The following SKAP1 variants were observed in gnomAD, a reference collection of about 807,000 sequenced individuals.
SKAP1 encodes the protein src kinase associated phosphoprotein 1.
Under a neutral mutation model 58.5 loss-of-function variants are expected in SKAP1, and 44 were observed. That is an observed-to-expected ratio of 0.75 (90% CI 0.59 to 0.97). The LOEUF (loss-of-function observed/expected upper bound fraction) is 0.97. SKAP1 is among the 50% of genes least tolerant of loss of function. SKAP1 has a pLI of 0.00. For missense variants in SKAP1, 390 were observed against 435.2 expected, an observed-to-expected ratio of 0.90 and a Z score of 0.92; for synonymous variants, 127 against 149.7, an observed-to-expected ratio of 0.85 and a Z score of 1.11.
intron 11 of SKAP1, among the ~76,000 whole-genome samples, chr17:48,139,866 C>G (rs2063747017): frequency 6.6e-6 from 1 of 152,144 alleles, no homozygotes; most frequent in Non-Finnish European, 1.5e-5. Context: ...GTCGGGGAAG[C>G]ACCCCTCCCC....
chr17:48,217,586 C>A (rs2064955350), intron 4 of SKAP1, among the ~76,000 whole-genome samples: 1 of 152,096 alleles, frequency 6.6e-6, no homozygotes, highest in Non-Finnish European at 1.5e-5. Flanking sequence ...GTCGAGACTG[C>A]AGTGGGCTGA....
chr17:48,137,413 G>A (rs1323651532), intron 11 of SKAP1, 76 bp from the exon 12 acceptor site: 4 of 987,014 alleles, frequency 4.1e-6, no homozygotes, highest in Non-Finnish European at 6.5e-6. Context: ...GATTGCATGG[G>A]AGATTCTGTT....
chr17:48,169,756 G>A (rs1414052008), intron 10 of SKAP1, among the ~76,000 whole-genome samples: 1 of 152,198 alleles, frequency 6.6e-6, no homozygotes, highest in African/African-American at 2.4e-5. Flanking sequence ...AAGGAGAGAG[G>A]AGAATAGGAA....
chr17:48,143,057 T>A (rs568096187), intron 11 of SKAP1, among the ~76,000 whole-genome samples: 1 of 148,884 alleles, frequency 6.7e-6, no homozygotes, highest in South Asian at 2.2e-4. Flanking sequence ...GTTCAAGCAA[T>A]CCTCCTGCTT....
chr17:48,246,056 G>C (rs947657338), intron 4 of SKAP1, among the ~76,000 whole-genome samples: 1 of 152,110 alleles, frequency 6.6e-6, no homozygotes, highest in Non-Finnish European at 1.5e-5. Context: ...TCAACGGGTT[G>C]CTATAAATTA....
chr17:48,440,224 T>C, the SKAP1 span, among the ~76,000 whole-genome samples: 1 of 152,046 alleles, frequency 6.6e-6, no homozygotes, highest in African/African-American at 2.4e-5. Context: ...GCAAGACAGG[T>C]TTAATTTCTC....
At chr17:48,164,712 A>G (rs574047725) in intron 10 of SKAP1, among the ~76,000 whole-genome samples, 3 of 152,356 alleles carry the variant, frequency 2.0e-5, no homozygotes, top group African/African-American at 7.2e-5. Context: ...CAGCCCAAGA[A>G]TAGGGAACTT....
intron 4 of SKAP1, among the ~76,000 whole-genome samples, chr17:48,195,929 G>T (rs1411731473): frequency 6.6e-6 from 1 of 151,962 alleles, no homozygotes; most frequent in Admixed American, 6.6e-5. Context: ...TGAGGTTCTA[G>T]GTCAGTAGTA....
At chr17:48,220,610 A>G (rs1420181025) in intron 4 of SKAP1, among the ~76,000 whole-genome samples, 2 of 152,056 alleles carry the variant, frequency 1.3e-5, no homozygotes, top group Non-Finnish European at 2.9e-5. Context: ...TAATCCCAGC[A>G]CTTTGGGAGG....
At chr17:48,403,596 A>T (rs2067530653) in intron 1 of SKAP1, among the ~76,000 whole-genome samples, 1 of 152,102 alleles carries the variant, frequency 6.6e-6, no homozygotes, top group South Asian at 2.1e-4. Flanking sequence ...ACAAAATCAA[A>T]ATGGCCTTGC....
At chr17:48,314,569 T>C (rs1446966235) in intron 4 of SKAP1, among the ~76,000 whole-genome samples, 1 of 152,112 alleles carries the variant, frequency 6.6e-6, no homozygotes, top group Non-Finnish European at 1.5e-5. Context: ...AGTAGGAAAT[T>C]ATCACAGTGT....
At chr17:48,241,741 T>C (rs543793051) in intron 4 of SKAP1, among the ~76,000 whole-genome samples, 1 of 152,340 alleles carries the variant, frequency 6.6e-6, no homozygotes, top group South Asian at 2.1e-4. Context: ...TGATACATGA[T>C]TGATAAAGTG....
In SKAP1 at chr17:48,164,751, AC is replaced by A. The variant is rs1233177251; in HGVS notation, c.878-2183del. ...TCAGAAGTAGAACAGCTCCAAAAAA[AC>A]AGGCAGAATGAAGGGCTAAAAACTG... On this transcript the variant is annotated intron_variant, in intron 10 of 12. Coordinates refer to ENST00000336915, the MANE Select transcript of SKAP1 (RefSeq NM_003726.4). Among the ~76,000 whole-genome samples, 6 of 152,338 alleles carry A rather than the reference AC, an allele frequency of 3.9e-5. No homozygotes were observed. The East Asian group carries it at 1.2e-3, about 29-fold the overall frequency.
At chr17:48,354,748 C>T (rs979536758) in intron 3 of SKAP1, among the ~76,000 whole-genome samples, 3 of 152,110 alleles carry the variant, frequency 2.0e-5, no homozygotes, top group Admixed American at 2.0e-4. Context: ...AAAATAAATG[C>T]TTTCTAATAG....
intron 4 of SKAP1, among the ~76,000 whole-genome samples, chr17:48,213,886 G>A (rs962713480): frequency 2.0e-5 from 3 of 152,244 alleles, no homozygotes; most frequent in Middle Eastern, 3.4e-3. Context: ...GAACAAACAC[G>A]GCTCAGCACC....
At chr17:48,377,976 G>A (rs577053132) in intron 2 of SKAP1, among the ~76,000 whole-genome samples, 1 of 152,230 alleles carries the variant, frequency 6.6e-6, no homozygotes, top group South Asian at 2.1e-4. Flanking sequence ...TATTTCAATG[G>A]ATGATATTAC....
chr17:48,235,039 A>G (rs544317509), intron 4 of SKAP1, among the ~76,000 whole-genome samples: 1 of 152,236 alleles, frequency 6.6e-6, no homozygotes, highest in South Asian at 2.1e-4. Context: ...GAATCCTAAT[A>G]GGAGCTCAAG....
At chr17:48,151,774 G>A (rs1013181989) in intron 11 of SKAP1, among the ~76,000 whole-genome samples, 14 of 152,142 alleles carry the variant, frequency 9.2e-5, no homozygotes, top group South Asian at 2.1e-4. Flanking sequence ...AATATTATCA[G>A]GAACAGAGAA....
chr17:48,359,831 C>G (rs565641979), intron 3 of SKAP1, among the ~76,000 whole-genome samples: 2 of 152,110 alleles, frequency 1.3e-5, no homozygotes, highest in Admixed American at 1.3e-4. Context: ...ATCTCAAACT[C>G]CTGGGCTCAA....
Sources: allele counts gnomAD v4.1 joint callset (sites outside exome capture counted in the v4.1 genomes callset), GRCh38; gene constraint gnomAD v4.1.1; transcripts MANE v1.5; gene names NCBI Gene and HGNC (gene_info 2026-07-23, HGNC 2026-07-21).